The following CSMD1 variants were observed in gnomAD, a reference collection of about 807,000 sequenced individuals.
CSMD1 encodes the protein CUB and Sushi multiple domains 1.
CSMD1 carries 213 observed loss-of-function variants against 417.5 expected under a neutral mutation model. The ratio of observed to expected loss-of-function variants is 0.51; its 90% CI spans 0.46 to 0.57. The LOEUF is 0.57. CSMD1 is among the 20% of genes least tolerant of loss of function. The probability of loss-of-function intolerance (pLI) is 0.00; values close to 1 mark genes in which losing one functional copy is unlikely to be tolerated. For synonymous variants in CSMD1, 2,862 were observed against 1,736.8 expected, an observed-to-expected ratio of 1.65 and a Z score of -16.11; for missense variants, 6,923 against 4,529.7, an observed-to-expected ratio of 1.53 and a Z score of -15.17.
intron 5 of CSMD1, among the ~76,000 whole-genome samples, chr8:3,847,860 C>T (rs553382693): frequency 1.3e-4 from 20 of 152,278 alleles, no homozygotes; most frequent in South Asian, 4.2e-4. Flanking sequence ...TCCCATTATG[C>T]GCTCCCTATA....
At position 4,510,166 on chromosome 8, in the gene CSMD1, C is replaced by T. The variant is rs151335507; in HGVS notation, c.303-90101G>A. Among the ~76,000 whole-genome samples the T allele has an allele frequency of 5.4e-3, 814 of 152,018 alleles. 3 individuals are homozygous for T. Among genetic ancestry groups the T allele is most frequent in the Middle Eastern group, 0.01 (3 of 294 alleles). On this transcript the variant is annotated intron_variant, in intron 2 of 69. Coordinates refer to ENST00000635120, the MANE Select transcript of CSMD1 (RefSeq NM_033225.6). ...TCCCTTTGCCTGCTGCCATGGAAGA[C>T]GTGACTTTGCTCCTCATTCACCTTC...
At chr8:4,254,553 G>A (rs150065726) in intron 3 of CSMD1, among the ~76,000 whole-genome samples, 1 of 152,222 alleles carries the variant, frequency 6.6e-6, no homozygotes, top group Non-Finnish European at 1.5e-5. Context: ...GACTACAGTA[G>A]TGTACAGTCA....
intron 1 of CSMD1, among the ~76,000 whole-genome samples, chr8:4,667,342 C>G (rs145102076): frequency 2.0e-5 from 3 of 152,110 alleles, no homozygotes; most frequent in Admixed American, 2.0e-4. Context: ...TCTAGATTCT[C>G]TGCTTTTCTG....
chr8:4,215,392 A>G (rs577915540), intron 3 of CSMD1, among the ~76,000 whole-genome samples: 25 of 152,296 alleles, frequency 1.6e-4, no homozygotes, highest in African/African-American at 6.0e-4. Context: ...TGAATAACAG[A>G]TTCAGGCAAA....
intron 5 of CSMD1, among the ~76,000 whole-genome samples, chr8:3,957,737 T>C (rs553255555): frequency 6.7e-6 from 1 of 150,360 alleles, no homozygotes; most frequent in East Asian, 2.0e-4. Context: ...AAAAGAAATG[T>C]AGAAAAGAAA....
intron 10 of CSMD1, among the ~76,000 whole-genome samples, chr8:3,542,523 G>C (rs76900296): frequency 0.028 from 4,219 of 152,274 alleles, 158 homozygotes; most frequent in African/African-American, 0.082. Context: ...TCCTGTGTCA[G>C]ATGCTGGCAG....
intron 26 of CSMD1, among the ~76,000 whole-genome samples, chr8:3,274,672 C>G (rs1381344228): frequency 2.0e-5 from 3 of 152,100 alleles, no homozygotes; most frequent in East Asian, 3.9e-4. Context: ...GATCCCTTTA[C>G]CATTATGTAA....
rs1177384733 is a variant in CSMD1 at position 3,738,442 on chromosome 8, G to A, written c.931+15488C>T. 2.0e-5 allele frequency among the ~76,000 whole-genome samples: 3 copies of A among 152,098 alleles called. 1 individual carries two copies. Among genetic ancestry groups the A allele is most frequent in the Non-Finnish European group, 4.4e-5 (3 of 68,024 alleles). On this transcript the variant is annotated intron_variant, in intron 6 of 69. Coordinates refer to ENST00000635120, the MANE Select transcript of CSMD1 (RefSeq NM_033225.6). ...ACCTTTTATTTATTTCAATTTTGGG[G>A]GAAAATGACTTGAAGCTCATATGTG...
At chr8:4,518,282 C>G (rs987398645) in intron 2 of CSMD1, among the ~76,000 whole-genome samples, 4 of 151,860 alleles carry the variant, frequency 2.6e-5, no homozygotes, top group African/African-American at 9.7e-5. Context: ...CGACGCCCAG[C>G]AGCAGCAGCA....
intron 1 of CSMD1, among the ~76,000 whole-genome samples, chr8:4,730,276 A>T (rs1278165154): frequency 6.6e-6 from 1 of 152,204 alleles, no homozygotes; most frequent in Non-Finnish European, 1.5e-5. Context: ...GGGAACTCAG[A>T]ACAACTGTGA....
chr8:3,314,938 C>G (rs1805638241), intron 23 of CSMD1, among the ~76,000 whole-genome samples: 1 of 152,204 alleles, frequency 6.6e-6, no homozygotes, highest in African/African-American at 2.4e-5. Flanking sequence ...ATCTGAGCAA[C>G]TCTTGAGAAA....
intron 7 of CSMD1, among the ~76,000 whole-genome samples, chr8:3,706,682 T>C (rs145938937): frequency 2.6e-4 from 39 of 152,276 alleles, no homozygotes; most frequent in Admixed American, 1.7e-3. Flanking sequence ...CAACCTGATA[T>C]TGATTTAATG....
chr8:4,034,626 C>G (rs1420761490), intron 3 of CSMD1, among the ~76,000 whole-genome samples: 1 of 151,998 alleles, frequency 6.6e-6, no homozygotes, highest in African/African-American at 2.4e-5. Context: ...CTCTTACAGT[C>G]AAAGACACAC....
chr8:4,139,412 A>C (rs1803639209), intron 3 of CSMD1, among the ~76,000 whole-genome samples: 2 of 151,934 alleles, frequency 1.3e-5, no homozygotes, highest in South Asian at 2.1e-4. Context: ...TGCTGTGCTA[A>C]GCACTGGAGG....
intron 40 of CSMD1, among the ~76,000 whole-genome samples, chr8:3,142,912 T>A (rs1818592584): frequency 6.6e-6 from 1 of 152,204 alleles, no homozygotes; most frequent in Non-Finnish European, 1.5e-5. Flanking sequence ...AGTCAATTTG[T>A]TTGTGAAATA....
chr8:4,125,177 T>G (rs561141759), intron 3 of CSMD1, among the ~76,000 whole-genome samples: 1 of 152,200 alleles, frequency 6.6e-6, no homozygotes, highest in East Asian at 1.9e-4. Context: ...AGATAACTCT[T>G]GGGGCCCCAA....
At chr8:3,740,270 G>A (rs965698251) in intron 6 of CSMD1, among the ~76,000 whole-genome samples, 20 of 151,996 alleles carry the variant, frequency 1.3e-4, no homozygotes, top group Admixed American at 2.6e-4. Flanking sequence ...CATGCCCAGC[G>A]AATTTTTCTA....
At chr8:3,529,835 C>G (rs1363872755) in intron 10 of CSMD1, among the ~76,000 whole-genome samples, 1 of 152,096 alleles carries the variant, frequency 6.6e-6, no homozygotes, top group African/African-American at 2.4e-5. Context: ...ATCTGTAAGC[C>G]TACATTTTCT....
chr8:3,812,199 C>G (rs1179584566), intron 5 of CSMD1, among the ~76,000 whole-genome samples: 1 of 152,130 alleles, frequency 6.6e-6, no homozygotes, highest in Admixed American at 6.5e-5. Flanking sequence ...AGACCACATA[C>G]AAACAATATA....
Sources: allele counts gnomAD v4.1 joint callset (sites outside exome capture counted in the v4.1 genomes callset), GRCh38; gene constraint gnomAD v4.1.1; transcripts MANE v1.5; gene names NCBI Gene and HGNC (gene_info 2026-07-23, HGNC 2026-07-21).